Variants in PPARGC1A observed in about 807,000 individuals in gnomAD.
PPARGC1A encodes the protein peroxisome proliferator-activated receptor gamma coactivator 1-alpha.
Under a neutral mutation model 88.7 loss-of-function variants are expected in PPARGC1A, and 25 were observed. That is an observed-to-expected ratio of 0.28 (90% confidence interval 0.21 to 0.39). PPARGC1A has a LOEUF of 0.39. Ranked by LOEUF, PPARGC1A falls within the 10% of genes least tolerant of loss-of-function variation. The pLI is 1.00. For missense variants in PPARGC1A, 880 were observed against 968.7 expected, an observed-to-expected ratio of 0.91 and a Z score of 1.22; for synonymous variants, 363 against 355.6, an observed-to-expected ratio of 1.02 and a Z score of -0.24.
the PPARGC1A span, among the ~76,000 whole-genome samples, chr4:24,461,502 G>A: frequency 2.6e-5 from 4 of 152,122 alleles, no homozygotes; most frequent in Admixed American, 6.5e-5. Context: ...AGAAAGAGAG[G>A]GTGAAGATGA....
the PPARGC1A span, among the ~76,000 whole-genome samples, chr4:24,387,929 AGAAAGAGAAAGAAAGAAAG>A: frequency 3.6e-5 from 1 of 27,758 alleles, no homozygotes; most frequent in Non-Finnish European, 9.3e-5. Context: ...AAAGAAAGAA[AGAAAGAGAAAGAAAGAAAG>A]AAAGAAAGAA....
At chr4:24,329,442 C>A in the PPARGC1A span, among the ~76,000 whole-genome samples, 1 of 152,110 alleles carries the variant, frequency 6.6e-6, no homozygotes, top group African/African-American at 2.4e-5. Flanking sequence ...GGCCCCCAAA[C>A]CTCCTGCACT....
At chr4:24,265,147 A>ACCCACATTTCC in the PPARGC1A span, among the ~76,000 whole-genome samples, 1 of 152,218 alleles carries the variant, frequency 6.6e-6, no homozygotes, top group Non-Finnish European at 1.5e-5. Context: ...TGTTAAAAGA[A>ACCCACATTTCC]CAAATAAATC....
At chr4:24,355,476 C>T in the PPARGC1A span, among the ~76,000 whole-genome samples, 1 of 152,150 alleles carries the variant, frequency 6.6e-6, no homozygotes, top group African/African-American at 2.4e-5. Context: ...GCCCTCTCCC[C>T]TTCTGTAAAT....
At chr4:23,808,337 T>C (rs1331827194) in intron 10 of PPARGC1A, among the ~76,000 whole-genome samples, 4 of 151,872 alleles carry the variant, frequency 2.6e-5, no homozygotes, top group Non-Finnish European at 4.4e-5. Context: ...AGTACTACAC[T>C]GTCCCTGGCT....
At chr4:24,247,887 T>C in the PPARGC1A span, among the ~76,000 whole-genome samples, 24 of 152,154 alleles carry the variant, frequency 1.6e-4, no homozygotes, top group Non-Finnish European at 3.1e-4. Flanking sequence ...GAACTGGTCT[T>C]CTGTTTCTGT....
At chr4:24,250,113 T>G in the PPARGC1A span, among the ~76,000 whole-genome samples, 1 of 152,184 alleles carries the variant, frequency 6.6e-6, no homozygotes, top group African/African-American at 2.4e-5. Context: ...ACTGGTTGTC[T>G]CTAGATATGA....
the PPARGC1A span, among the ~76,000 whole-genome samples, chr4:24,010,811 GA>G: frequency 1.3e-5 from 2 of 152,154 alleles, no homozygotes; most frequent in Non-Finnish European, 2.9e-5. Flanking sequence ...ATTTGCTTAA[GA>G]GGAACAGAAA....
At chr4:24,377,418 C>T in the PPARGC1A span, among the ~76,000 whole-genome samples, 24 of 152,062 alleles carry the variant, frequency 1.6e-4, 1 homozygote, top group East Asian at 3.9e-3. Context: ...CCAAAGTTGA[C>T]GTTGTATTGC....
intron 4 of PPARGC1A, among the ~76,000 whole-genome samples, chr4:23,828,961 C>G (rs191029047): frequency 1.1e-4 from 17 of 152,282 alleles, no homozygotes; most frequent in African/African-American, 3.6e-4. Context: ...TTAAGTACCC[C>G]TTAATGCTCC....
the PPARGC1A span, among the ~76,000 whole-genome samples, chr4:24,290,445 T>C: frequency 6.6e-6 from 1 of 152,190 alleles, no homozygotes; most frequent in East Asian, 1.9e-4. Flanking sequence ...TCCTCCTGCC[T>C]TAGCCTCTCT....
At chr4:24,168,464 C>T in the PPARGC1A span, among the ~76,000 whole-genome samples, 119 of 152,314 alleles carry the variant, frequency 7.8e-4, 1 homozygote, top group Middle Eastern at 3.4e-3. Context: ...AATGAGCACT[C>T]GTAGCATTCA....
chr4:23,833,245 G>A (rs1485235265), intron 2 of PPARGC1A, among the ~76,000 whole-genome samples: 5 of 152,172 alleles, frequency 3.3e-5, no homozygotes, highest in Admixed American at 6.5e-5. Flanking sequence ...TTCTATGCAC[G>A]TGGACAACCA....
the PPARGC1A span, among the ~76,000 whole-genome samples, chr4:23,937,782 T>C: frequency 6.6e-6 from 1 of 152,136 alleles, no homozygotes; most frequent in Non-Finnish European, 1.5e-5. Context: ...TCTGCCCCTC[T>C]GCCCTGGAGG....
chr4:24,361,643 A>C, the PPARGC1A span, among the ~76,000 whole-genome samples: 1 of 152,118 alleles, frequency 6.6e-6, no homozygotes, highest in African/African-American at 2.4e-5. Flanking sequence ...AACAATCCAA[A>C]TCTAAAACTC....
At chr4:23,883,391 T>A (rs1716316544) in intron 2 of PPARGC1A, 1 of 152,230 alleles carries the variant, frequency 6.6e-6, no homozygotes, top group African/African-American at 2.4e-5. Flanking sequence ...GTTCTATTTT[T>A]AAATATATTG....
the PPARGC1A span, among the ~76,000 whole-genome samples, chr4:24,198,337 C>CAATT: frequency 6.6e-6 from 1 of 152,182 alleles, no homozygotes; most frequent in African/African-American, 2.4e-5. Flanking sequence ...CAGATCCATC[C>CAATT]AATTCATTCA....
chr4:24,138,765 G>T, the PPARGC1A span, among the ~76,000 whole-genome samples: 1 of 152,112 alleles, frequency 6.6e-6, no homozygotes. Flanking sequence ...TACAGACTCA[G>T]TTCAACTAAA....
the PPARGC1A span, among the ~76,000 whole-genome samples, chr4:24,334,445 G>A: frequency 6.6e-6 from 1 of 152,292 alleles, no homozygotes; most frequent in South Asian, 2.1e-4. Flanking sequence ...AGGATTAAAA[G>A]GACAGTGGTG....
Sources: allele counts gnomAD v4.1 joint callset (sites outside exome capture counted in the v4.1 genomes callset), GRCh38; gene constraint gnomAD v4.1.1; transcripts MANE v1.5; gene names NCBI Gene and HGNC (gene_info 2026-07-23, HGNC 2026-07-21).